The following GNG7 variants were observed in gnomAD, a reference collection of about 807,000 sequenced individuals.
GNG7 encodes guanine nucleotide-binding protein G(I)/G(S)/G(O) subunit gamma-7.
In GNG7, 1 loss-of-function variant was observed where a neutral mutation model predicts 4.0. The ratio of observed to expected loss-of-function variants is 0.25; its 90% confidence interval spans 0.09 to 1.18. GNG7 has a LOEUF of 1.18. Among genes scored for constraint, GNG7 ranks in the 50% most tolerant of loss-of-function variants. GNG7 has a pLI of 0.50. For missense variants in GNG7, 86 were observed against 91.9 expected (o/e 0.94, Z 0.26); for synonymous variants, 34 against 36.9 (o/e 0.92, Z 0.29).
chr19:2,656,730 A>G (rs1982985581), intron 1 of GNG7, among the ~76,000 whole-genome samples: 1 of 152,150 alleles, frequency 6.6e-6, no homozygotes, highest in Admixed American at 6.6e-5. Context: ...CTTACATATC[A>G]TCCATGGCTG....
intron 3 of GNG7, among the ~76,000 whole-genome samples, chr19:2,543,220 C>T (rs923633788): frequency 4.8e-4 from 57 of 117,692 alleles, no homozygotes; most frequent in African/African-American, 1.9e-3. Flanking sequence ...TGCCTGGCCT[C>T]CTTTTTTTTT....
intron 1 of GNG7, among the ~76,000 whole-genome samples, chr19:2,651,245 T>TTGC (rs1441597764): frequency 2.6e-4 from 23 of 87,212 alleles, no homozygotes; most frequent in Admixed American, 2.5e-3. Context: ...CCTTCCTTCC[T>TTGC]TTCCTTCCTT....
chr19:2,649,578 C>T (rs145239619), intron 1 of GNG7, among the ~76,000 whole-genome samples: 1,894 of 151,898 alleles, frequency 0.012, 37 homozygotes, highest in African/African-American at 0.043. Flanking sequence ...TTAGTAGAGA[C>T]GGGGTTTCAC....
chr19:2,522,683 C>G (rs1441961563), intron 3 of GNG7, among the ~76,000 whole-genome samples: 2 of 119,856 alleles, frequency 1.7e-5, no homozygotes, highest in Non-Finnish European at 3.2e-5. Flanking sequence ...ACCCGGAAGG[C>G]GGAGCTTGCA....
chr19:2,606,837 G>T (rs1262225200), intron 2 of GNG7, among the ~76,000 whole-genome samples: 1 of 151,800 alleles, frequency 6.6e-6, no homozygotes. Context: ...CCCATTCTCG[G>T]TGATGACAAG....
rs1982232959 is a variant in GNG7 at position 2,633,724 on chromosome 19, G to A, written c.-78+12500C>T. Among the ~76,000 whole-genome samples, 1 of 152,100 alleles carries A rather than the reference G, an allele frequency of 6.6e-6. No homozygotes were observed. The highest frequency in any genetic ancestry group is 6.5e-5 in the Admixed American group (1 of 15,276). ...TCTGTTTACCGGGGCTTGAGTGGGA[G>A]CTGTAGTAATTCTGTCCAGAAGAGG... is the stretch of plus-strand genomic sequence containing the variant. On this transcript the variant is annotated intron_variant, in intron 2 of 4. Coordinates refer to ENST00000382159, the MANE Select transcript of GNG7 (RefSeq NM_052847.3). The surrounding 1 kb of genome is among the most constrained non-coding windows in gnomAD (Gnocchi z 5.9).
rs58020172 is a variant in GNG7 at position 2,689,622 on chromosome 19, C to CAA, written c.-135+13022_-135+13023dup. On this transcript the variant is annotated intron_variant, in intron 1 of 4. Coordinates refer to ENST00000382159, the MANE Select transcript of GNG7 (RefSeq NM_052847.3). ...TGGGCTACAGAGTGAGACTCCAACT[C>CAA]AAAAAAAAAAAAAAAAAAAAAAAAA... 2.6e-3 allele frequency among the ~76,000 whole-genome samples: 100 copies of CAA among 37,930 alleles called. 8 individuals are homozygous for CAA. The highest frequency in any genetic ancestry group is 7.6e-3 in the African/African-American group (75 of 9,874). The allele number at this position is 37,930 out of a possible 152,430, so 24.9% of individuals were successfully genotyped here. A position where few individuals can be genotyped will look rare whatever the true frequency, so the allele number is the denominator to read the frequency against.
chr19:2,604,956 G>A (rs904118473), intron 2 of GNG7, among the ~76,000 whole-genome samples: 4 of 152,156 alleles, frequency 2.6e-5, no homozygotes, highest in East Asian at 3.9e-4. Context: ...GCTTGAAGCC[G>A]CTATAACAAG....
At chr19:2,643,961 G>T in intron 2 of GNG7, 1 of 221,316 alleles carries the variant, frequency 4.5e-6, no homozygotes, top group Non-Finnish European at 9.2e-6. Flanking sequence ...TTTATGTTTG[G>T]CTTCATAAAT....
intron 1 of GNG7, among the ~76,000 whole-genome samples, chr19:2,701,482 C>A (rs1165964639): frequency 6.6e-6 from 1 of 150,714 alleles, no homozygotes; most frequent in Non-Finnish European, 1.5e-5. Context: ...GCCCCCAGAC[C>A]CTTTCTGGAA....
At position 2,584,278 on chromosome 19, in the gene GNG7, G is replaced by T. The variant is rs1401855795; in HGVS notation, c.-77-29090C>A. ...GGCAACATAGGGAGACCCTATCTCCGCAAAGAATTAAAAAAAAAAAAAAAA... is the reference window on the plus strand; with the variant it reads ...GGCAACATAGGGAGACCCTATCTCCTCAAAGAATTAAAAAAAAAAAAAAAA... On this transcript the variant is annotated intron_variant, in intron 2 of 4. Coordinates refer to ENST00000382159, the MANE Select transcript of GNG7 (RefSeq NM_052847.3). Among the ~76,000 whole-genome samples the T allele has an allele frequency of 4.9e-5, 5 of 102,172 alleles. No homozygotes were observed. The Admixed American group carries it at 5.6e-4, about 11-fold the overall frequency. The allele number at this position is 102,172 out of a possible 152,430, so 67.0% of individuals were successfully genotyped here.
chr19:2,605,187 C>A (rs750482329), intron 2 of GNG7, among the ~76,000 whole-genome samples: 12 of 152,100 alleles, frequency 7.9e-5, no homozygotes, highest in Non-Finnish European at 1.3e-4. Context: ...TGTGTCAAAT[C>A]TCACTGTTGT....
intron 3 of GNG7, among the ~76,000 whole-genome samples, chr19:2,527,883 A>G (rs891874008): frequency 6.6e-6 from 1 of 152,080 alleles, no homozygotes; most frequent in African/African-American, 2.4e-5. Flanking sequence ...CTCCCTTATC[A>G]GGAGAAATCC....
At chr19:2,556,875 C>T (rs2144764482) in intron 2 of GNG7, among the ~76,000 whole-genome samples, 1 of 152,310 alleles carries the variant, frequency 6.6e-6, no homozygotes, top group Admixed American at 6.5e-5. Flanking sequence ...GTGCCAGGAG[C>T]ACCCCCCAGA....
intron 2 of GNG7, among the ~76,000 whole-genome samples, chr19:2,602,655 G>A (rs1981237074): frequency 6.6e-6 from 1 of 152,240 alleles, no homozygotes; most frequent in Non-Finnish European, 1.5e-5. Flanking sequence ...GCTACCTTCC[G>A]TGGTGTTCTG....
intron 4 of GNG7, among the ~76,000 whole-genome samples, chr19:2,518,024 G>A (rs1978291603): frequency 6.6e-6 from 1 of 152,188 alleles, no homozygotes; most frequent in South Asian, 2.1e-4. Flanking sequence ...TTTGGGAAGC[G>A]GCCCTCCTGG....
At chr19:2,531,323 A>AAAAT in intron 3 of GNG7, among the ~76,000 whole-genome samples, 1 of 131,072 alleles carries the variant, frequency 7.6e-6, no homozygotes, top group Admixed American at 8.1e-5. Context: ...AAAAAAAAAA[A>AAAAT]AAAAAGGAGT....
In GNG7 at chr19:2,626,753, T is replaced by C. The variant is rs1385700206; in HGVS notation, c.-78+19471A>G. ...GGGCGGTGTCGGGGGACATCTGTAA[T>C]TGTCATGACGGAGGGAAGTGGGACC... On this transcript the variant is annotated intron_variant, in intron 2 of 4. Transcript: ENST00000382159. The surrounding 1 kb of genome is among the most constrained non-coding windows in gnomAD (Gnocchi z 5.0). 6.6e-6 allele frequency among the ~76,000 whole-genome samples: 1 copy of C among 152,044 alleles called. No individual in the cohort carries two copies. Among genetic ancestry groups the C allele is most frequent in the Non-Finnish European group, 1.5e-5 (1 of 68,000 alleles).
Position 2,634,806 on chromosome 19 carries a change from G to A in GNG7, c.-78+11418C>T, listed in dbSNP as rs187000402. On this transcript the variant is annotated intron_variant, in intron 2 of 4. Transcript: ENST00000382159. The surrounding 1 kb of genome is among the most constrained non-coding windows in gnomAD (Gnocchi z 5.3). The stretch of plus-strand genomic sequence containing the variant: ...GGAAATAAACCCGCTCTGACTGGCC[G>A]CGGGGACTGGAGTTTGCTTACCACA... Among the ~76,000 whole-genome samples, 24 of 152,110 alleles carry A rather than the reference G, an allele frequency of 1.6e-4. No homozygotes were observed. The highest frequency in any genetic ancestry group is 1.2e-3 in the Admixed American group (19 of 15,270).
Sources: gnomAD v4.1 joint callset for allele counts (sites outside exome capture counted in the v4.1 genomes callset) on GRCh38, gnomAD v4.1.1 for gene constraint, Gnocchi (gnomAD v3.1) non-coding constraint, MANE v1.5 for transcripts, NCBI Gene and HGNC (gene_info 2026-07-23, HGNC 2026-07-21) for gene names.